The following BTBD3 variants were observed in gnomAD, a reference collection of about 807,000 sequenced individuals.
The protein encoded by BTBD3 is BTB/POZ domain-containing protein 3.
A neutral mutation model predicts 41.6 loss-of-function variants in BTBD3; 14 were observed. That is an observed-to-expected ratio of 0.34 (90% CI 0.22 to 0.53). BTBD3 has a LOEUF of 0.53. BTBD3 is among the 20% of genes least tolerant of loss of function. The probability of loss-of-function intolerance (pLI) is 0.95; values close to 1 mark genes in which losing one functional copy is unlikely to be tolerated. For synonymous variants in BTBD3, 249 were observed against 233.7 expected, an observed-to-expected ratio of 1.07 and a Z score of -0.60; for missense variants, 426 against 654.7, an observed-to-expected ratio of 0.65 and a Z score of 3.81.
chr20:11,920,211 G>T (rs2056957268), intron 3 of BTBD3, among the ~76,000 whole-genome samples: 1 of 152,188 alleles, frequency 6.6e-6, no homozygotes, highest in Non-Finnish European at 1.5e-5. Context: ...CACAATTTCA[G>T]AAGTTAAGTA....
At chr20:11,902,149 TAAAC>T (rs2056827683) in intron 1 of BTBD3, among the ~76,000 whole-genome samples, 1 of 151,390 alleles carries the variant, frequency 6.6e-6, no homozygotes, top group Non-Finnish European at 1.5e-5. Context: ...ATTGAGAACA[TAAAC>T]AGTCAGTAAA....
intron 3 of BTBD3, 55 bp from the exon 4 acceptor site, chr20:11,922,579 G>T (rs2056980045): frequency 6.7e-7 from 1 of 1,495,056 alleles, no homozygotes. Context: ...ATCTTTTCTT[G>T]CTGGATGTAC....
At position 11,922,727 on chromosome 20, in the gene BTBD3, A is replaced by T. The variant is rs778912914; in HGVS notation, c.630A>T (p.Arg210Ser). ...AGTACATTGTCCCTCACCTTGCCAG[A>T]GCCTGTGTTAATTTCCTGGAGACCA... ...AKKYIVPHLA[R>S]ACVNFLETSL... The change falls in exon 4 of 4, where the codon AGA (arginine) becomes AGT (serine). Residue 210 changes from arginine to serine, a missense_variant. By Grantham distance (110) the Arg-to-Ser change is moderately radical (BLOSUM62 -1). This residue lies in a region of BTBD3 where 321 missense variants were observed against 534.8 expected (regional missense o/e 0.60). Coordinates refer to ENST00000378226, the MANE Select transcript of BTBD3 (RefSeq NM_014962.4). 1.8e-5 allele frequency: 29 copies of T among 1,614,204 alleles called. No individual in the cohort carries two copies. The South Asian group carries it at 3.1e-4, about 17-fold the overall frequency.
chr20:11,903,344 C>T (rs1043152307), intron 1 of BTBD3, among the ~76,000 whole-genome samples: 2 of 152,128 alleles, frequency 1.3e-5, no homozygotes, highest in African/African-American at 2.4e-5. Context: ...AAGATTGCTA[C>T]CCCCAATTCT....
chr20:11,899,178 A>C (rs563025740), intron 1 of BTBD3, among the ~76,000 whole-genome samples: 14 of 151,614 alleles, frequency 9.2e-5, no homozygotes, highest in African/African-American at 2.9e-4. Context: ...CTTTTTTCCT[A>C]TGAGGTTCTT....
At chr20:11,896,050 C>G (rs761951768) in intron 1 of BTBD3, among the ~76,000 whole-genome samples, 1 of 152,176 alleles carries the variant, frequency 6.6e-6, no homozygotes, top group Non-Finnish European at 1.5e-5. Context: ...TTAAATTTAC[C>G]GTCTTAATCT....
intron 1 of BTBD3, chr20:11,891,049 G>C: frequency 1.1e-6 from 1 of 882,344 alleles, no homozygotes; most frequent in Non-Finnish European, 1.4e-6. Context: ...CGGCCGGCCG[G>C]AGGGGCCGAG....
intron 1 of BTBD3, among the ~76,000 whole-genome samples, chr20:11,892,704 A>T (rs1002260227): frequency 6.6e-6 from 1 of 152,104 alleles, no homozygotes; most frequent in Non-Finnish European, 1.5e-5. Flanking sequence ...AACTTCCAAA[A>T]TGAAGTGGAA....
At chr20:11,894,194 C>T (rs1207713204) in intron 1 of BTBD3, among the ~76,000 whole-genome samples, 1 of 152,196 alleles carries the variant, frequency 6.6e-6, no homozygotes, top group African/African-American at 2.4e-5. Flanking sequence ...CCAGCAGGGT[C>T]GACCAAATGA....
chr20:11,915,643 G>A (rs530102097), upstream of BTBD3, among the ~76,000 whole-genome samples: 13 of 152,098 alleles, frequency 8.5e-5, no homozygotes, highest in South Asian at 2.3e-3. Flanking sequence ...CCTTATTACC[G>A]TGGTAAGAAA....
intron 1 of BTBD3, among the ~76,000 whole-genome samples, chr20:11,911,115 A>G (rs754386458): frequency 1.5e-4 from 22 of 148,942 alleles, no homozygotes; most frequent in Non-Finnish European, 8.9e-5. Flanking sequence ...GGTGTAAGAC[A>G]TGCCATTACT....
chr20:11,912,072 C>T, intron 1 of BTBD3, among the ~76,000 whole-genome samples: 1 of 152,108 alleles, frequency 6.6e-6, no homozygotes, highest in Non-Finnish European at 1.5e-5. Flanking sequence ...TTAACTGGAG[C>T]TCTGTGTGGT....
rs1197654404 is a variant in BTBD3 at position 11,926,051 on chromosome 20, A to G, written c.*2385A>G. 6.6e-6 allele frequency: 1 copy of G among 152,216 alleles called. No homozygotes were observed. Among genetic ancestry groups the G allele is most frequent in the Admixed American group, 6.5e-5 (1 of 15,270 alleles). 9.4% of individuals were successfully genotyped at this position (152,216 alleles called of 1,614,324 possible). ...ACCCTATTGTCCTTTATGCATTTTC[A>G]ATGAAATGGAATGAAGGCTAATATG... On this transcript the variant is annotated 3_prime_UTR_variant, in exon 4 of 4. Coordinates refer to ENST00000378226, the MANE Select transcript of BTBD3 (RefSeq NM_014962.4).
At position 11,922,892 on chromosome 20, in the gene BTBD3, C is replaced by T; in HGVS notation, c.795C>T (p.Asp265=). The part of the protein sequence containing the change: ...ALKSEGFCDI[D]FQTLESILRR... ...AGTCTGAGGGATTCTGCGATATTGACTTCCAGACACTAGAAAGTATTCTCC... is the reference window on the plus strand; with the variant it reads ...AGTCTGAGGGATTCTGCGATATTGATTTCCAGACACTAGAAAGTATTCTCC... Residue 265 remains aspartate, a synonymous_variant, in exon 4 of 4, where the codon GAC becomes GAT. Transcript: ENST00000378226. The T allele has an allele frequency of 6.2e-7, 1 of 1,614,250 alleles. No individual in the cohort carries two copies.
At position 11,906,253 on chromosome 20, in the gene BTBD3, C is replaced by CTTT. The variant is rs1568610658; in HGVS notation, c.-125-12081_-125-12080insTTT. Among the ~76,000 whole-genome samples, 44 of 37,356 alleles carry CTTT rather than the reference C, an allele frequency of 1.2e-3. 1 individual carries two copies. The highest frequency in any genetic ancestry group is 1.7e-3 in the Admixed American group (5 of 3,008). 24.5% of individuals were successfully genotyped at this position (37,356 alleles called of 152,430 possible). ...ACCATAATTTCCATTTATTATTACT[C>CTTT]CTTTTTTTTTTTTTTTTTTTTTTTT... is the stretch of plus-strand genomic sequence containing the variant. On this transcript the variant is annotated intron_variant, in intron 1 of 4. Coordinates refer to the BTBD3 transcript ENST00000254977.
chr20:11,918,731 A>G (rs983759806), intron 1 of BTBD3, 130 bp downstream of exon 1: 1 of 1,034,030 alleles, frequency 9.7e-7, no homozygotes, highest in Non-Finnish European at 1.4e-6. Context: ...TTGGTAATGG[A>G]AAATTGCCTT....
intron 1 of BTBD3, among the ~76,000 whole-genome samples, chr20:11,899,116 C>T (rs1172205475): frequency 1.3e-5 from 2 of 152,120 alleles, no homozygotes; most frequent in Non-Finnish European, 2.9e-5. Context: ...TTTGCTCTCC[C>T]CCTTTTAATG....
At chr20:11,899,231 C>G (rs1172799337) in intron 1 of BTBD3, among the ~76,000 whole-genome samples, 1 of 152,126 alleles carries the variant, frequency 6.6e-6, no homozygotes, top group East Asian at 1.9e-4. Flanking sequence ...CTCAGAGCCA[C>G]TTGGATGCAC....
Position 11,919,090 on chromosome 20 carries a change from G to A in BTBD3, c.331G>A (p.Ala111Thr). 6.2e-7 allele frequency: 1 copy of A among 1,612,138 alleles called. No individual in the cohort carries two copies. Among genetic ancestry groups the A allele is most frequent in the Non-Finnish European group, 8.5e-7 (1 of 1,178,680 alleles). Residue 111 changes from alanine (A) to threonine (T), a missense_variant, in exon 2 of 4, where the codon GCG (alanine) becomes ACG (threonine). By Grantham distance (58) the Ala-to-Thr change is moderately conservative (BLOSUM62 0). Around this residue, in one of 3 missense-constraint regions of BTBD3, gnomAD observed 321 missense variants for 534.8 expected, o/e 0.60. Coordinates refer to ENST00000378226, the MANE Select transcript of BTBD3 (RefSeq NM_014962.4). ...ATGAGTTGCCTCTGTTTATAGAAAT[G>A]CGATGATGTTCAATAATGATTTGAT... The part of the protein sequence containing the change: ...GLYPTIRERN[A>T]MMFNNDLMAD...
Sources: gnomAD v4.1 joint callset for allele counts (sites outside exome capture counted in the v4.1 genomes callset) on GRCh38, gnomAD v4.1.1 for gene constraint, gnomAD v4.1.1 regional missense constraint, MANE v1.5 for transcripts, NCBI Gene and HGNC (gene_info 2026-07-23, HGNC 2026-07-21) for gene names.